The following ST6GALNAC1 variants were observed in gnomAD, a reference collection of about 807,000 sequenced individuals.
ST6GALNAC1 encodes the protein ST6 N-acetylgalactosaminide alpha-2,6-sialyltransferase 1, also known as alpha-N-acetylgalactosaminide alpha-2,6-sialyltransferase 1.
Under a neutral mutation model 56.8 loss-of-function variants are expected in ST6GALNAC1, and 45 were observed. The ratio of observed to expected loss-of-function variants is 0.79; its 90% CI spans 0.62 to 1.02. ST6GALNAC1 has a LOEUF of 1.02. Among genes scored for constraint, ST6GALNAC1 ranks in the 50% least tolerant of loss-of-function variants. The pLI is 0.00. For synonymous variants in ST6GALNAC1, 295 were observed against 297.8 expected, an observed-to-expected ratio of 0.99 and a Z score of 0.10; for missense variants, 743 against 754.8, an observed-to-expected ratio of 0.98 and a Z score of 0.18.
intron 1 of ST6GALNAC1, among the ~76,000 whole-genome samples, chr17:76,638,084 C>T (rs1336315470): frequency 6.6e-6 from 1 of 151,166 alleles, no homozygotes; most frequent in Non-Finnish European, 1.5e-5. Flanking sequence ...CAAACAGAAC[C>T]CATAGGTCTG....
intron 1 of ST6GALNAC1, among the ~76,000 whole-genome samples, chr17:76,630,440 C>T (rs2075875394): frequency 6.6e-6 from 1 of 152,114 alleles, no homozygotes; most frequent in East Asian, 1.9e-4. Flanking sequence ...CTCAAAGCAA[C>T]ACATTTATTC....
At chr17:76,640,873 G>T (rs1331305818) in intron 1 of ST6GALNAC1, among the ~76,000 whole-genome samples, 1 of 151,976 alleles carries the variant, frequency 6.6e-6, no homozygotes, top group Non-Finnish European at 1.5e-5. Context: ...TTTTGAAACA[G>T]GAATTAAAAG....
chr17:76,635,754 T>G (rs1598303503), intron 1 of ST6GALNAC1, among the ~76,000 whole-genome samples: 4 of 152,172 alleles, frequency 2.6e-5, no homozygotes, highest in Admixed American at 2.6e-4. Flanking sequence ...TGAGTAGCCA[T>G]GACATGACAG....
chr17:76,619,854 C>T (rs907475352), downstream of ST6GALNAC1, among the ~76,000 whole-genome samples: 2 of 148,570 alleles, frequency 1.3e-5, no homozygotes, highest in Non-Finnish European at 3.0e-5. Context: ...AGCGATTCTC[C>T]TGCCTCAGCT....
In ST6GALNAC1 at chr17:76,636,845, AAAAG is replaced by A. The variant is rs2075981487; in HGVS notation, c.131+6659_131+6662del. Reference sequence around the variant, plus strand: ...GAATAGAAAAGGGGGAAATGTGGGGAAAAGAAAGAGAGATCAGATTGTTACTGTG... The same window carrying A: ...GAATAGAAAAGGGGGAAATGTGGGGAAAAGAGAGATCAGATTGTTACTGTG... On this transcript the variant is annotated intron_variant, in intron 1 of 8. Transcript: ENST00000156626. 2.0e-5 allele frequency among the ~76,000 whole-genome samples: 3 copies of A among 152,280 alleles called. No individual in the cohort carries two copies. In the South Asian group the frequency reaches 6.2e-4, roughly 32 times the overall value.
the ST6GALNAC1 span, among the ~76,000 whole-genome samples, chr17:76,618,103 A>G: frequency 6.6e-6 from 1 of 152,186 alleles, no homozygotes; most frequent in Non-Finnish European, 1.5e-5. Context: ...TCCCCGTTCT[A>G]TGTCCTTAAT....
rs146196748 is a variant in ST6GALNAC1 at position 76,626,801 on chromosome 17, GAC to G, written c.1173-14_1173-13del. ...GAGCTCCGCTCAATCTGTGCAGAAA[GAC>G]ACAATCAGACGGGACAGGTGAGCAG... On this transcript the variant is annotated splice_polypyrimidine_tract_variant and intron_variant, in intron 4 of 8. Coordinates refer to ENST00000156626, the MANE Select transcript of ST6GALNAC1 (RefSeq NM_018414.5). 0.012 allele frequency: 19,371 copies of G among 1,614,094 alleles called. 639 individuals are homozygous for G. The highest frequency in any genetic ancestry group is 0.071 in the East Asian group (3,188 of 44,882).
In ST6GALNAC1 at chr17:76,627,680, GA is replaced by G; in HGVS notation, c.832-98del. The G allele has an allele frequency of 8.6e-7, 1 of 1,166,874 alleles. No individual in the cohort carries two copies. 72.3% of individuals were successfully genotyped at this position (1,166,874 alleles called of 1,614,324 possible). On this transcript the variant is annotated intron_variant, in intron 2 of 8. Coordinates refer to ENST00000156626, the MANE Select transcript of ST6GALNAC1 (RefSeq NM_018414.5). This position sits in a 1 kb window ranked among gnomAD's most constrained non-coding sequence, Gnocchi z 4.4. ...AGCAAGGGCTGGGGCTCGCAGTTTG[GA>G]AGGCGCGGCCTCTGCTACCTCTTCC...
chr17:76,629,849 T>C, intron 1 of ST6GALNAC1, 138 bp from the exon 2 acceptor site: 1 of 646,060 alleles, frequency 1.5e-6, no homozygotes, highest in Non-Finnish European at 2.6e-6. Flanking sequence ...GTGGTACGAT[T>C]TCAGCTCACT....
At chr17:76,630,732 A>G (rs1353623688) in intron 1 of ST6GALNAC1, among the ~76,000 whole-genome samples, 5 of 149,246 alleles carry the variant, frequency 3.4e-5, no homozygotes, top group Non-Finnish European at 5.9e-5. Context: ...ATTACAGCGC[A>G]TGCCACCACG....
the ST6GALNAC1 span, among the ~76,000 whole-genome samples, chr17:76,618,525 C>G: frequency 1.3e-5 from 2 of 152,100 alleles, no homozygotes; most frequent in Non-Finnish European, 2.9e-5. Context: ...TGTTTGTAAT[C>G]CCAGCACTTT....
the ST6GALNAC1 span, among the ~76,000 whole-genome samples, chr17:76,619,684 T>A: frequency 6.6e-6 from 1 of 151,930 alleles, no homozygotes; most frequent in Non-Finnish European, 1.5e-5. Flanking sequence ...GGATATATAA[T>A]TGAAATATTG....
At chr17:76,628,886 T>C (rs2075849643) in intron 2 of ST6GALNAC1, 126 bp downstream of exon 2, 1 of 866,096 alleles carries the variant, frequency 1.2e-6, no homozygotes, top group Non-Finnish European at 1.8e-6. Flanking sequence ...CATAATGAGC[T>C]TGGGGCAGGA....
In ST6GALNAC1 at chr17:76,643,577, A is replaced by T. The variant is rs1230422772; in HGVS notation, c.62T>A (p.Leu21Gln). The T allele has an allele frequency of 6.2e-7, 1 of 1,614,102 alleles. No individual in the cohort carries two copies. The highest frequency in any genetic ancestry group is 2.2e-5 in the East Asian group (1 of 44,902). ...GAAGAGAAAGAAGACCAGGACAGCC[A>T]GAAGCAAGGACCACTGGACGCCTTG... is the stretch of plus-strand genomic sequence containing the variant. ...LSQGVQWSLL[L>Q]AVLVFFLFAL... Residue 21 changes from leucine (L) to glutamine (Q), a missense_variant, in exon 1 of 9, where the codon CTG becomes CAG. Physicochemically the swap from Leu to Gln is moderately radical, Grantham distance 113 (BLOSUM62 -2). Transcript: ENST00000156626.
intron 8 of ST6GALNAC1, 44 bp from the exon 9 acceptor site, chr17:76,625,571 GC>G: frequency 1.3e-6 from 2 of 1,599,916 alleles, no homozygotes; most frequent in Non-Finnish European, 1.7e-6. Context: ...AGTTGCTGTT[GC>G]CCAGGCTTCT....
chr17:76,636,978 C>T (rs1270496000), intron 1 of ST6GALNAC1, among the ~76,000 whole-genome samples: 71 of 150,988 alleles, frequency 4.7e-4, no homozygotes, highest in African/African-American at 1.6e-3. Context: ...CCCCCAACCC[C>T]GTGCTCTCTG....
chr17:76,623,106 A>G (rs2075757965), downstream of ST6GALNAC1, among the ~76,000 whole-genome samples: 1 of 152,136 alleles, frequency 6.6e-6, no homozygotes, highest in Non-Finnish European at 1.5e-5. Flanking sequence ...TTAATTGTTG[A>G]TGGGAGTTAC....
intron 4 of ST6GALNAC1, 96 bp downstream of exon 4, chr17:76,626,971 T>C (rs1009492290): frequency 7.0e-5 from 100 of 1,421,670 alleles, no homozygotes; most frequent in Non-Finnish European, 8.9e-5. Flanking sequence ...CTCAGAAGAG[T>C]CCATGTCTGC....
At position 76,627,128 on chromosome 17, in the gene ST6GALNAC1, C is replaced by T. The variant is rs372667027; in HGVS notation, c.1111G>A (p.Gly371Arg). 5.4e-5 allele frequency: 86 copies of T among 1,597,686 alleles called. No individual in the cohort carries two copies. The highest frequency in any genetic ancestry group is 8.1e-5 in the African/African-American group (6 of 74,366). The stretch of plus-strand genomic sequence containing the variant: ...ATGTGGGAGTTGTTCAGGATGCCCC[C>T]GTTGCCCACCACGGCACAGGTGATG... ...RCITCAVVGNGGILNNSHMGQ... is the reference protein window; with the variant it reads ...RCITCAVVGNRGILNNSHMGQ... Residue 371 changes from glycine to arginine, a missense_variant, in exon 4 of 9, where the codon GGG (glycine) becomes AGG (arginine). Gly to Arg is a moderately radical substitution (Grantham distance 125, BLOSUM62 -2). Transcript: ENST00000156626. The surrounding 1 kb of genome is among the most constrained non-coding windows in gnomAD (Gnocchi z 4.4).
Sources: allele counts gnomAD v4.1 joint callset (sites outside exome capture counted in the v4.1 genomes callset), GRCh38; gene constraint gnomAD v4.1.1; non-coding constraint Gnocchi (gnomAD v3.1); transcripts MANE v1.5; gene names NCBI Gene and HGNC (gene_info 2026-07-23, HGNC 2026-07-21).